Variants in KCNH7 observed in about 807,000 individuals in gnomAD.
KCNH7 encodes the protein voltage-gated inwardly rectifying potassium channel KCNH7.
A neutral mutation model predicts 120.8 loss-of-function variants in KCNH7; 49 were observed. The observed-to-expected ratio is 0.41, with a 90% CI of 0.32 to 0.51. KCNH7 has a LOEUF of 0.51. KCNH7 is among the 20% of genes least tolerant of loss of function. The pLI is 0.38. For synonymous variants in KCNH7, 547 were observed against 516.1 expected, an observed-to-expected ratio of 1.06 and a Z score of -0.81; for missense variants, 1,097 against 1,446.6, an observed-to-expected ratio of 0.76 and a Z score of 3.92.
At chr2:162,407,314 G>A (rs1160470844) in intron 9 of KCNH7, among the ~76,000 whole-genome samples, 1 of 151,994 alleles carries the variant, frequency 6.6e-6, no homozygotes, top group Non-Finnish European at 1.5e-5. Flanking sequence ...TTTTGATAAT[G>A]TAAAGAGTCC....
chr2:162,781,732 T>C (rs1302976099), intron 2 of KCNH7, among the ~76,000 whole-genome samples: 1 of 152,156 alleles, frequency 6.6e-6, no homozygotes, highest in East Asian at 1.9e-4. Flanking sequence ...TTTTAAACTG[T>C]CTTTCCCTCA....
chr2:162,408,460 C>A (rs1217955185), intron 9 of KCNH7, among the ~76,000 whole-genome samples: 2 of 151,916 alleles, frequency 1.3e-5, no homozygotes, highest in Non-Finnish European at 2.9e-5. Flanking sequence ...CTTGGCACTC[C>A]GAATGTTCCA....
intron 2 of KCNH7, among the ~76,000 whole-genome samples, chr2:162,641,626 T>C (rs1053607581): frequency 3.3e-5 from 5 of 152,080 alleles, no homozygotes; most frequent in African/African-American, 9.7e-5. Flanking sequence ...ATTACAGAAG[T>C]GAAGAACAGG....
intron 6 of KCNH7, among the ~76,000 whole-genome samples, chr2:162,454,017 G>A (rs1341485170): frequency 6.6e-6 from 1 of 152,142 alleles, no homozygotes; most frequent in African/African-American, 2.4e-5. Flanking sequence ...TTTCAGTCAT[G>A]AAGTCTTTGC....
intron 8 of KCNH7, among the ~76,000 whole-genome samples, chr2:162,425,378 T>A (rs1408601532): frequency 6.6e-6 from 1 of 152,038 alleles, no homozygotes; most frequent in Admixed American, 6.6e-5. Flanking sequence ...TGAATTGGCA[T>A]GTATGAGACA....
intron 9 of KCNH7, among the ~76,000 whole-genome samples, chr2:162,402,950 T>C (rs1029263576): frequency 6.6e-6 from 1 of 151,898 alleles, no homozygotes; most frequent in Admixed American, 6.6e-5. Context: ...TGATCCAGAG[T>C]TCTAGCTCCA....
intron 2 of KCNH7, among the ~76,000 whole-genome samples, chr2:162,569,730 T>C (rs1182273668): frequency 2.6e-5 from 4 of 152,098 alleles, no homozygotes; most frequent in Non-Finnish European, 1.5e-5. Context: ...GTATGTTCTG[T>C]CTTTGCTCTC....
At position 162,622,552 on chromosome 2, in the gene KCNH7, C is replaced by T. The variant is rs115835180; in HGVS notation, c.308-85472G>A. Among the ~76,000 whole-genome samples the T allele has an allele frequency of 4.5e-3, 684 of 152,136 alleles. 7 individuals carry two copies. The highest frequency in any genetic ancestry group is 0.016 in the African/African-American group (657 of 41,514). On this transcript the variant is annotated intron_variant, in intron 2 of 15. Transcript: ENST00000332142. ...GCCAAAGGATACTTGGCAGTACTTC[C>T]CTTGGTTTCAATTTTGTCCTTTATT...
At chr2:162,452,012 T>C (rs375877570) in intron 6 of KCNH7, among the ~76,000 whole-genome samples, 1 of 152,216 alleles carries the variant, frequency 6.6e-6, no homozygotes, top group East Asian at 1.9e-4. Flanking sequence ...CAGAAATTAT[T>C]GACAATTATT....
At chr2:162,407,309 A>G (rs1687257901) in intron 9 of KCNH7, among the ~76,000 whole-genome samples, 1 of 152,072 alleles carries the variant, frequency 6.6e-6, no homozygotes, top group Non-Finnish European at 1.5e-5. Context: ...ACCAGTTTTG[A>G]TAATGTAAAG....
intron 2 of KCNH7, among the ~76,000 whole-genome samples, chr2:162,582,741 G>A (rs1277705265): frequency 6.6e-6 from 1 of 152,046 alleles, no homozygotes; most frequent in African/African-American, 2.4e-5. Flanking sequence ...CAAACAATTG[G>A]ACTGGGAGGA....
intron 3 of KCNH7, among the ~76,000 whole-genome samples, chr2:162,527,049 C>A (rs1424143471): frequency 3.3e-5 from 5 of 151,988 alleles, no homozygotes; most frequent in Non-Finnish European, 7.4e-5. Context: ...GGGTCCCTGA[C>A]TTCCCGCAAC....
intron 12 of KCNH7, among the ~76,000 whole-genome samples, chr2:162,392,286 G>T (rs908332917): frequency 6.6e-6 from 1 of 151,806 alleles, no homozygotes; most frequent in Non-Finnish European, 1.5e-5. Context: ...GTGTGTGTGT[G>T]TGTGCGCATG....
At position 162,488,410 on chromosome 2, in the gene KCNH7, C is replaced by G. The variant is rs375928113; in HGVS notation, c.1128+16033G>C. On this transcript the variant is annotated intron_variant, in intron 6 of 15. Transcript: ENST00000332142. ...ATCACTTGGTGATCATTGAACATGC[C>G]TCAGATACAAAAACTCCTTATCTGA... is the stretch of plus-strand genomic sequence containing the variant. Among the ~76,000 whole-genome samples the G allele has an allele frequency of 1.6e-4, 24 of 152,122 alleles. 4 individuals are homozygous for G. Among genetic ancestry groups the G allele is most frequent in the Admixed American group, 1.4e-3 (21 of 15,286 alleles).
intron 2 of KCNH7, among the ~76,000 whole-genome samples, chr2:162,769,643 A>G: frequency 6.6e-6 from 1 of 152,016 alleles, no homozygotes; most frequent in East Asian, 1.9e-4. Flanking sequence ...GCTTATGTAT[A>G]TACATATTCT....
intron 2 of KCNH7, among the ~76,000 whole-genome samples, chr2:162,748,761 G>A (rs1432955133): frequency 6.6e-6 from 1 of 151,768 alleles, no homozygotes; most frequent in African/African-American, 2.4e-5. Context: ...AAGGAGATAT[G>A]AAACTAACAA....
chr2:162,374,855 C>T (rs1293085325), intron 14 of KCNH7, among the ~76,000 whole-genome samples: 2 of 152,042 alleles, frequency 1.3e-5, no homozygotes, highest in East Asian at 1.9e-4. Flanking sequence ...ATGAATGATA[C>T]ATGACTTTGC....
intron 9 of KCNH7, among the ~76,000 whole-genome samples, chr2:162,419,011 T>C (rs1288870731): frequency 6.6e-6 from 1 of 151,916 alleles, no homozygotes; most frequent in Non-Finnish European, 1.5e-5. Flanking sequence ...TACACTTCTA[T>C]CTTGCACTTC....
At chr2:162,693,889 AT>A (rs34602135) in intron 2 of KCNH7, among the ~76,000 whole-genome samples, 25,799 of 152,172 alleles carry the variant, frequency 0.17, 2,538 homozygotes, top group East Asian at 0.46. Context: ...GAGATTACAG[AT>A]TAATAAAGAG....
Sources: allele counts gnomAD v4.1 joint callset (sites outside exome capture counted in the v4.1 genomes callset), GRCh38; gene constraint gnomAD v4.1.1; transcripts MANE v1.5; gene names NCBI Gene and HGNC (gene_info 2026-07-23, HGNC 2026-07-21).